Variants in EPS15L1 observed in about 807,000 individuals in gnomAD.
EPS15L1 encodes the protein epidermal growth factor receptor pathway substrate 15 like 1, also known as epidermal growth factor receptor substrate 15-like 1.
A neutral mutation model predicts 117.1 loss-of-function variants in EPS15L1; 43 were observed. The ratio of observed to expected loss-of-function variants is 0.37; its 90% CI spans 0.29 to 0.47. The LOEUF is 0.47. Ranked by LOEUF, EPS15L1 falls within the 20% of genes least tolerant of loss-of-function variation. EPS15L1 has a pLI of 0.99. For missense variants in EPS15L1, 981 were observed against 1,164.0 expected (o/e 0.84, Z 2.29); for synonymous variants, 459 against 470.5 (o/e 0.98, Z 0.32).
chr19:16,435,813 C>A lies in EPS15L1; in HGVS notation c.372+1124G>T, dbSNP rs564280476. ...TGCAGAATCTCTCTCGACCACAGTA[C>A]ACCCCAATTACAGCATCTGGTCCTG... is the stretch of plus-strand genomic sequence containing the variant. On this transcript the variant is annotated intron_variant, in intron 6 of 23. Transcript: ENST00000455140. 1.0e-3 allele frequency among the ~76,000 whole-genome samples: 155 copies of A among 152,286 alleles called. 2 individuals carry two copies. The highest frequency in any genetic ancestry group is 7.0e-3 in the South Asian group (34 of 4,826).
chr19:16,417,039 T>C (rs919929539), intron 12 of EPS15L1, among the ~76,000 whole-genome samples: 9 of 152,196 alleles, frequency 5.9e-5, no homozygotes, highest in African/African-American at 1.9e-4. Flanking sequence ...CCAATTGCCC[T>C]AGCTGTCAAG....
At chr19:16,418,400 G>C (rs1393047176) in intron 10 of EPS15L1, among the ~76,000 whole-genome samples, 1 of 152,224 alleles carries the variant, frequency 6.6e-6, no homozygotes, top group Non-Finnish European at 1.5e-5. Flanking sequence ...AGATGCAGCT[G>C]CCTCTTCCTT....
chr19:16,433,241 T>C (rs12460699), intron 7 of EPS15L1, among the ~76,000 whole-genome samples: 56,273 of 151,456 alleles, frequency 0.37, 11,187 homozygotes, highest in African/African-American at 0.52. Flanking sequence ...GATTCTCCTG[T>C]CTCAGCCTCC....
At chr19:16,400,927 C>T (rs543573256) in intron 16 of EPS15L1, 24 of 985,346 alleles carry the variant, frequency 2.4e-5, no homozygotes, top group African/African-American at 8.7e-5. Context: ...GTTCCCTGAA[C>T]GAAGACTGAG....
chr19:16,361,472 A>G, intron 23 of EPS15L1: 2 of 696,080 alleles, frequency 2.9e-6, no homozygotes, highest in South Asian at 1.0e-4. Context: ...AGTGAACACA[A>G]CAGCCTCGGT....
At chr19:16,429,713 G>A (rs141303262) in intron 7 of EPS15L1, among the ~76,000 whole-genome samples, 16 of 152,202 alleles carry the variant, frequency 1.1e-4, no homozygotes, top group African/African-American at 3.9e-4. Flanking sequence ...TCACCTGGCT[G>A]CTGCTGAGCC....
At chr19:16,437,636 T>A (rs751930330) in intron 5 of EPS15L1, 134 bp downstream of exon 5, 1 of 662,730 alleles carries the variant, frequency 1.5e-6, no homozygotes, top group East Asian at 2.7e-5. Flanking sequence ...TTTTCTATTA[T>A]GTGAATTTCA....
At chr19:16,444,063 C>CAA (rs545605173) in intron 1 of EPS15L1, among the ~76,000 whole-genome samples, 1,247 of 37,558 alleles carry the variant, frequency 0.033, 61 homozygotes, top group African/African-American at 0.08. Flanking sequence ...GACTCCGTCT[C>CAA]AAAAAAAAAA....
intron 4 of EPS15L1, among the ~76,000 whole-genome samples, chr19:16,438,126 G>A (rs1599649726): frequency 6.6e-6 from 1 of 152,168 alleles, no homozygotes; most frequent in African/African-American, 2.4e-5. Flanking sequence ...ACCGAGGCAG[G>A]TGGATCACCT....
chr19:16,357,521 G>C (rs967022637), intron 23 of EPS15L1: 1 of 152,962 alleles, frequency 6.5e-6, no homozygotes, highest in African/African-American at 2.4e-5. Context: ...TTCACGGCTT[G>C]ATGGTGGCAT....
intron 1 of EPS15L1, among the ~76,000 whole-genome samples, chr19:16,446,307 A>C (rs2093082962): frequency 6.6e-6 from 1 of 152,148 alleles, no homozygotes; most frequent in African/African-American, 2.4e-5. Context: ...CACGTGGCCG[A>C]GGGCAGGACG....
chr19:16,437,712 C>T, intron 5 of EPS15L1, 58 bp downstream of exon 5: 9 of 801,724 alleles, frequency 1.1e-5, no homozygotes, highest in Non-Finnish European at 1.3e-5. Flanking sequence ...CATGCACATA[C>T]ACACACACAC....
At chr19:16,386,969 T>G (rs1383013808) in intron 19 of EPS15L1, among the ~76,000 whole-genome samples, 1 of 152,100 alleles carries the variant, frequency 6.6e-6, no homozygotes, top group Non-Finnish European at 1.5e-5. Context: ...TCTAAACATA[T>G]AAAGAACTGG....
At chr19:16,408,677 A>T (rs2092680011) in intron 13 of EPS15L1, among the ~76,000 whole-genome samples, 1 of 151,658 alleles carries the variant, frequency 6.6e-6, no homozygotes, top group Admixed American at 6.6e-5. Context: ...AAAAAATCAC[A>T]TGGAAACACA....
intron 13 of EPS15L1, among the ~76,000 whole-genome samples, chr19:16,411,475 G>A (rs187412959): frequency 1.7e-3 from 253 of 152,290 alleles, no homozygotes; most frequent in African/African-American, 5.8e-3. Flanking sequence ...TGGCGCCTAC[G>A]GGAGAAACAA....
intron 12 of EPS15L1, among the ~76,000 whole-genome samples, chr19:16,414,712 GTT>G (rs562460865): frequency 7.9e-5 from 10 of 127,008 alleles, no homozygotes; most frequent in Non-Finnish European, 8.5e-5. Context: ...TTTTGGTTTT[GTT>G]TTTTTTTTTT....
rs144906547 is a variant in EPS15L1 at position 16,425,212 on chromosome 19, G to A, written c.663C>T (p.Gly221=). The change falls in exon 9 of 24, where the codon GGC becomes GGT. Residue 221 remains glycine, a synonymous_variant. Coordinates refer to ENST00000455140, the MANE Select transcript of EPS15L1 (RefSeq NM_001258374.3). ...GGCTGGCAGGCAGGACGGGGACGGCGCCAGGGAACACAGTCTTCTTTCTCT... is the reference window on the plus strand; with the variant it reads ...GGCTGGCAGGCAGGACGGGGACGGCACCAGGGAACACAGTCTTCTTTCTCT... ...PSKRKKTVFP[G]AVPVLPASPP... The A allele has an allele frequency of 2.8e-5, 45 of 1,590,574 alleles. No individual in the cohort carries two copies. Among genetic ancestry groups the A allele is most frequent in the South Asian group, 1.8e-4 (16 of 90,734 alleles).
At chr19:16,423,411 T>C (rs1010059194) in intron 9 of EPS15L1, among the ~76,000 whole-genome samples, 2 of 151,792 alleles carry the variant, frequency 1.3e-5, no homozygotes, top group Non-Finnish European at 2.9e-5. Context: ...ACAAAATAAA[T>C]AAATAAATAA....
At chr19:16,439,179 C>T (rs2093005980) in intron 4 of EPS15L1, among the ~76,000 whole-genome samples, 1 of 151,380 alleles carries the variant, frequency 6.6e-6, no homozygotes, top group Admixed American at 6.6e-5. Context: ...GTGCTAGGAT[C>T]GGCCTTTCTC....
Sources: gnomAD v4.1 joint callset for allele counts (sites outside exome capture counted in the v4.1 genomes callset) on GRCh38, gnomAD v4.1.1 for gene constraint, MANE v1.5 for transcripts, NCBI Gene and HGNC (gene_info 2026-07-23, HGNC 2026-07-21) for gene names.